The following SPATA31C2 variants were observed in gnomAD, a reference collection of about 807,000 sequenced individuals.
SPATA31C2 encodes SPATA31 subfamily C member 2.
In SPATA31C2, 5 loss-of-function variants were observed where a neutral mutation model predicts 11.4. That is an observed-to-expected ratio of 0.44 (90% CI 0.23 to 0.92). The LOEUF (loss-of-function observed/expected upper bound fraction) is 0.92, where lower values mean the gene tolerates loss of function less well. Ranked by LOEUF, SPATA31C2 falls within the 40% of genes least tolerant of loss-of-function variation. The pLI, the probability that SPATA31C2 is intolerant of heterozygous loss-of-function variation, is 0.24. For synonymous variants in SPATA31C2, 515 were observed against 538.7 expected (o/e 0.96, Z 0.61); for missense variants, 1,353 against 1,368.6 (o/e 0.99, Z 0.18).
chr9:88,130,680 C>T lies in SPATA31C2; in HGVS notation c.2357G>A (p.Ser786Asn). The stretch of plus-strand genomic sequence containing the variant: ...AGCCCTTGAAGATTGGGCTCCTAAG[C>T]TCCTGCTCTGCTGGGTGCTGCCTGT... ...SLTGSTQQSR[S>N]LGAQSSRAGE... The change falls in exon 4 of 4, where the codon AGC becomes AAC. Residue 786 changes from serine to asparagine, a missense_variant. By Grantham distance (46) the Ser-to-Asn change is conservative. Coordinates refer to ENST00000324915, the MANE Select transcript of SPATA31C2 (RefSeq NM_001350978.3). 6.2e-7 allele frequency: 1 copy of T among 1,613,886 alleles called. No homozygotes were observed. The highest frequency in any genetic ancestry group is 8.5e-7 in the Non-Finnish European group (1 of 1,179,862).
rs771955149 is a variant in SPATA31C2 at position 88,130,439 on chromosome 9, C to A, written c.2598G>T (p.Lys866Asn). The change falls in exon 4 of 4, where the codon AAG (lysine) becomes AAT (asparagine). Residue 866 changes from lysine (K) to asparagine (N), a missense_variant. Lys to Asn is a moderately conservative substitution (Grantham distance 94, BLOSUM62 0). Around this residue, in one of 6 missense-constraint regions of SPATA31C2, gnomAD observed 1,075 missense variants for 992.8 expected, o/e 1.08. Coordinates refer to ENST00000324915, the MANE Select transcript of SPATA31C2 (RefSeq NM_001350978.3). ...VSEFEPGKAT[K>N]SETQPQVSAT... ...CAGAAACTTGAGGCTGGGTCTCTGACTTCGTGGCCTTTCCAGGCTCAAATT... is the reference window on the plus strand; with the variant it reads ...CAGAAACTTGAGGCTGGGTCTCTGAATTCGTGGCCTTTCCAGGCTCAAATT... The A allele has an allele frequency of 3.1e-6, 5 of 1,613,156 alleles. No homozygotes were observed. The highest frequency in any genetic ancestry group is 4.2e-6 in the Non-Finnish European group (5 of 1,179,506).
chr9:88,131,567 C>T lies in SPATA31C2; in HGVS notation c.1470G>A (p.Gln490=), dbSNP rs1248817733. Residue 490 remains glutamine (Q), a synonymous_variant, in exon 4 of 4, where the codon CAG becomes CAA. Coordinates refer to ENST00000324915, the MANE Select transcript of SPATA31C2 (RefSeq NM_001350978.3). ...TGCTTTCACCTGTGGACGTGGAGGACTGCCAGGGCCTGGGTTTGCCCTTGG... is the reference window on the plus strand; with the variant it reads ...TGCTTTCACCTGTGGACGTGGAGGATTGCCAGGGCCTGGGTTTGCCCTTGG... The part of the protein sequence containing the change: ...SQAKGKPRPW[Q]SSTSTGESSK... The T allele has an allele frequency of 6.2e-6, 10 of 1,611,702 alleles. No individual in the cohort carries two copies. The highest frequency in any genetic ancestry group is 8.5e-6 in the Non-Finnish European group (10 of 1,179,762).
In SPATA31C2 at chr9:88,132,818, A is replaced by G. The variant is rs1441048557; in HGVS notation, c.327-108T>C. On this transcript the variant is annotated intron_variant, in intron 3 of 3. Coordinates refer to ENST00000324915, the MANE Select transcript of SPATA31C2 (RefSeq NM_001350978.3). ...CACCACGCCACACCCTGACCACCCA[A>G]TTCTCCTGCTACCCCTCGCCCCAGG... is the stretch of plus-strand genomic sequence containing the variant. 6.6e-5 allele frequency: 81 copies of G among 1,219,688 alleles called. 16 individuals carry two copies. Among genetic ancestry groups the G allele is most frequent in the Non-Finnish European group, 8.1e-5 (76 of 936,746 alleles). 75.6% of individuals were successfully genotyped at this position (1,219,688 alleles called of 1,614,324 possible). A position where few individuals can be genotyped will look rare whatever the true frequency, so the allele number is the denominator to read the frequency against.
rs748207182 is a variant in SPATA31C2 at position 88,132,286 on chromosome 9, G to C, written c.751C>G (p.Leu251Val). ...LTPSHCDSVA[L>V]PLDTVPQSLS... Reference sequence around the variant, plus strand: ...CTTTGAGGGACGGTGTCCAGTGGAAGTGCCACTGAGTCACAGTGAGATGGT... The same window carrying C: ...CTTTGAGGGACGGTGTCCAGTGGAACTGCCACTGAGTCACAGTGAGATGGT... Residue 251 changes from leucine (L) to valine (V), a missense_variant, in exon 4 of 4, where the codon CTT becomes GTT. Physicochemically the swap from Leu to Val is conservative, Grantham distance 32. Around this residue, in one of 6 missense-constraint regions of SPATA31C2, gnomAD observed 1,075 missense variants for 992.8 expected, o/e 1.08. Coordinates refer to ENST00000324915, the MANE Select transcript of SPATA31C2 (RefSeq NM_001350978.3). The C allele has an allele frequency of 3.7e-6, 6 of 1,610,770 alleles. No homozygotes were observed. The African/African-American group carries it at 8.0e-5, about 22-fold the overall frequency.
At chr9:88,137,353 G>A (rs1181303394) in intron 1 of SPATA31C2, among the ~76,000 whole-genome samples, 12 of 146,760 alleles carry the variant, frequency 8.2e-5, no homozygotes, top group Middle Eastern at 3.3e-3. Flanking sequence ...AGCCGGGCGC[G>A]GTGGCTCATG....
intron 1 of SPATA31C2, among the ~76,000 whole-genome samples, chr9:88,137,710 G>A (rs1418771161): frequency 9.5e-6 from 1 of 104,828 alleles, no homozygotes; most frequent in Non-Finnish European, 1.8e-5. Flanking sequence ...TCTGCTCCAG[G>A]AACACCCAGG....
rs546241630 is a variant in SPATA31C2, at chr9:88,133,962, G to A, written c.190-293C>T. Among the ~76,000 whole-genome samples, 5 of 152,240 alleles carry A rather than the reference G, an allele frequency of 3.3e-5. No homozygotes were observed. The East Asian group carries it at 7.8e-4, about 24-fold the overall frequency. On this transcript the variant is annotated intron_variant, in intron 1 of 3. Transcript: ENST00000324915. The stretch of plus-strand genomic sequence containing the variant: ...ACCTGAGGTCAAGAGTTTGAGACCA[G>A]CCTAGCCATGGTGAAACCCCATCTC...
At chr9:88,133,787 T>C (rs1457036168) in intron 1 of SPATA31C2, 118 bp from the exon 2 acceptor site, 23 of 1,364,612 alleles carry the variant, frequency 1.7e-5, no homozygotes, top group Non-Finnish European at 2.2e-5. Context: ...CAGGGAGCTC[T>C]GTGTGCTTCC....
At position 88,129,705 on chromosome 9, in the gene SPATA31C2, G is replaced by C. The variant is rs760314940; in HGVS notation, c.3332C>G (p.Ala1111Gly). 1.2e-6 allele frequency: 2 copies of C among 1,603,484 alleles called. No individual in the cohort carries two copies. Among genetic ancestry groups the C allele is most frequent in the South Asian group, 2.2e-5 (2 of 90,936 alleles). The change falls in exon 4 of 4, where the codon GCA becomes GGA. Residue 1111 changes from alanine to glycine, a missense_variant. Around this residue, in one of 6 missense-constraint regions of SPATA31C2, gnomAD observed 187 missense variants for 205.8 expected, o/e 0.91. Transcript: ENST00000324915. ...YSEHSRMLSY[A>G]ASSQQATLKN... ...GAGAGTGGCTTGTTGACTGCTGGCT[G>C]CATAGCTCAGCATTCTGCTGTGTTC...
chr9:88,132,635 T>C lies in SPATA31C2; in HGVS notation c.402A>G (p.Lys134=), dbSNP rs1295339567. Residue 134 remains lysine (K), a synonymous_variant, in exon 4 of 4, where the codon AAA becomes AAG. Transcript: ENST00000324915. ...ACCGGGAGGCTCCATCAGGTGTTCT[T>C]TTGCCCACCTCACCTGGCGGGTCTG... ...SGPDPPGEVG[K]RTPDGASRSS... 1 of 1,609,182 alleles carries C rather than the reference T, an allele frequency of 6.2e-7. No individual in the cohort carries two copies. The highest frequency in any genetic ancestry group is 8.5e-7 in the Non-Finnish European group (1 of 1,177,404).
Position 88,129,851 on chromosome 9 carries a change from T to A in SPATA31C2, c.3186A>T (p.Ile1062=). The A allele has an allele frequency of 6.2e-7, 1 of 1,605,006 alleles. No homozygotes were observed. The change falls in exon 4 of 4, where the codon ATA becomes ATT. Residue 1062 remains isoleucine, a synonymous_variant. Transcript: ENST00000324915. ...AERLMTAVGQ[I]LEENMSLCHA... is the part of the protein sequence containing the mutation. ...GGCAAAGTGACATGTTCTCCTCCAG[T>A]ATCTGTCCAACTGCTGTCATGAGCC...
At position 88,130,137 on chromosome 9, in the gene SPATA31C2, T is replaced by C. The variant is rs770156429; in HGVS notation, c.2900A>G (p.His967Arg). 7 of 1,608,224 alleles carry C rather than the reference T, an allele frequency of 4.4e-6. No homozygotes were observed. The highest frequency in any genetic ancestry group is 5.1e-6 in the Non-Finnish European group (6 of 1,177,632). ...CCTCAATCCTTGAAACATTTCTTCA[T>C]GTTTTTCTAAGTTGGGCTTCCTAGA... The part of the protein sequence containing the change: ...ENSRKPNLEK[H>R]EEMFQGLRTP... The change falls in exon 4 of 4, where the codon CAT becomes CGT. Residue 967 changes from histidine to arginine, a missense_variant. His to Arg is a conservative substitution (Grantham distance 29, BLOSUM62 0). This residue lies in a region of SPATA31C2 where 187 missense variants were observed against 205.8 expected (regional missense o/e 0.91). Coordinates refer to ENST00000324915, the MANE Select transcript of SPATA31C2 (RefSeq NM_001350978.3).
In SPATA31C2 at chr9:88,130,863, A is replaced by G; in HGVS notation, c.2174T>C (p.Val725Ala). Residue 725 changes from valine to alanine, a missense_variant, in exon 4 of 4, where the codon GTT becomes GCT. By Grantham distance (64) the Val-to-Ala change is moderately conservative. Coordinates refer to ENST00000324915, the MANE Select transcript of SPATA31C2 (RefSeq NM_001350978.3). ...GGCCTGAAGCCTCTCTGGCATGTGA[A>G]CAGATGGTTTGGTCAGCACCTGCTT... is the stretch of plus-strand genomic sequence containing the variant. ...LRKQVLTKPS[V>A]HMPERLQASS... The G allele has an allele frequency of 1.9e-6, 3 of 1,613,684 alleles. No homozygotes were observed. Among genetic ancestry groups the G allele is most frequent in the Non-Finnish European group, 2.5e-6 (3 of 1,179,868 alleles).
In SPATA31C2 at chr9:88,130,919, G is replaced by C; in HGVS notation, c.2118C>G (p.Phe706Leu). 1 of 1,613,756 alleles carries C rather than the reference G, an allele frequency of 6.2e-7. No homozygotes were observed. Among genetic ancestry groups the C allele is most frequent in the Non-Finnish European group, 8.5e-7 (1 of 1,179,876 alleles). The change falls in exon 4 of 4, where the codon TTC becomes TTG. Residue 706 changes from phenylalanine to leucine, a missense_variant. By Grantham distance (22) the Phe-to-Leu change is conservative (BLOSUM62 0). Coordinates refer to ENST00000324915, the MANE Select transcript of SPATA31C2 (RefSeq NM_001350978.3). ...GACTTGCCATTGGTGGCTCTCCAAG[G>C]AACGTGGCCACCTCAACTTTTGAGC... is the stretch of plus-strand genomic sequence containing the variant. ...GAGSKVEVAT[F>L]LGEPPMASLR...
chr9:88,131,216 A>G lies in SPATA31C2; in HGVS notation c.1821T>C (p.Phe607=). 1 of 1,611,910 alleles carries G rather than the reference A, an allele frequency of 6.2e-7. No individual in the cohort carries two copies. The change falls in exon 4 of 4, where the codon TTT becomes TTC. Residue 607 remains phenylalanine, a synonymous_variant. Coordinates refer to ENST00000324915, the MANE Select transcript of SPATA31C2 (RefSeq NM_001350978.3). The part of the protein sequence containing the change: ...RRSWLAVNQA[F]PVSNTHVKTS... Reference sequence around the variant, plus strand: ...TTTTCACGTGGGTGTTGGAGACGGGAAAAGCCTGGTTGACAGCAAGCCAGG... The same window carrying G: ...TTTTCACGTGGGTGTTGGAGACGGGGAAAGCCTGGTTGACAGCAAGCCAGG...
rs1825619662 is a variant in SPATA31C2 at position 88,132,582 on chromosome 9, G to C, written c.455C>G (p.Ala152Gly). Residue 152 changes from alanine (A) to glycine (G), a missense_variant, in exon 4 of 4, where the codon GCT becomes GGT. Around this residue, in one of 6 missense-constraint regions of SPATA31C2, gnomAD observed 1,075 missense variants for 992.8 expected, o/e 1.08. Coordinates refer to ENST00000324915, the MANE Select transcript of SPATA31C2 (RefSeq NM_001350978.3). Reference sequence around the variant, plus strand: ...GGAAGCTAACGGGGAGACAATGGGAGCAGCGTCTTCCGTAGGCTCATGAGA... The same window carrying C: ...GGAAGCTAACGGGGAGACAATGGGACCAGCGTCTTCCGTAGGCTCATGAGA... ...RSSHEPTEDA[A>G]PIVSPLASPD... 1 of 1,610,468 alleles carries C rather than the reference G, an allele frequency of 6.2e-7. No individual in the cohort carries two copies. The highest frequency in any genetic ancestry group is 8.5e-7 in the Non-Finnish European group (1 of 1,177,752).
chr9:88,136,427 A>G (rs1323649506), intron 1 of SPATA31C2, among the ~76,000 whole-genome samples: 6 of 143,482 alleles, frequency 4.2e-5, no homozygotes, highest in Non-Finnish European at 9.1e-5. Flanking sequence ...ACTTTAAACA[A>G]TATTCTAGAT....
chr9:88,133,884 C>T (rs1474536809), intron 1 of SPATA31C2, among the ~76,000 whole-genome samples: 2 of 152,122 alleles, frequency 1.3e-5, no homozygotes, highest in African/African-American at 2.4e-5. Context: ...GCTCACGGTG[C>T]GGTGGCTCAC....
chr9:88,132,739 G>A (rs1825623439), intron 3 of SPATA31C2, 29 bp from the exon 4 acceptor site: 1 of 1,586,494 alleles, frequency 6.3e-7, no homozygotes, highest in Non-Finnish European at 8.5e-7. Flanking sequence ...ACAAGCTGCA[G>A]CCAGGAGCAG....
Sources: allele counts gnomAD v4.1 joint callset (sites outside exome capture counted in the v4.1 genomes callset), GRCh38; gene constraint gnomAD v4.1.1; regional missense constraint gnomAD v4.1.1; transcripts MANE v1.5; gene names NCBI Gene and HGNC (gene_info 2026-07-23, HGNC 2026-07-21).